Variants in SPATA31D3 observed in about 807,000 individuals in gnomAD.
SPATA31D3 encodes SPATA31 subfamily D member 3, also known as spermatogenesis-associated protein 31D3.
For synonymous variants in SPATA31D3, 27 were observed against 107.8 expected (o/e 0.25, Z 4.65); for missense variants, 91 against 297.9 (o/e 0.31, Z 5.11).
rs1198300333 is a variant in SPATA31D3 at position 81,945,983 on chromosome 9, C to T, written c.730C>T (p.Leu244Phe). 1.8e-3 allele frequency: 1 copy of T among 558 alleles called. No individual in the cohort carries two copies. Among genetic ancestry groups the T allele is most frequent in the Admixed American group, 8.3e-3 (1 of 120 alleles). The allele number at this position is 558 out of a possible 1,614,324, so 0.0% of individuals were successfully genotyped here. ...HSPPQQLPFP[L>F]LPPHHIERVE... The stretch of plus-strand genomic sequence containing the variant: ...CCCACCCCAACAGCTTCCCTTTCCC[C>T]TTCTCCCACCACATCACATTGAGAG... Residue 244 changes from leucine to phenylalanine, a missense_variant, in exon 4 of 4, where the codon CTT (leucine) becomes TTT (phenylalanine). By Grantham distance (22) the Leu-to-Phe change is conservative. Transcript: ENST00000445385.
Position 81,949,473 on chromosome 9 carries a change from T to C in SPATA31D3, c.*1466T>C. The C allele has an allele frequency of 4.2e-6, 2 of 478,220 alleles. No homozygotes were observed. The highest frequency in any genetic ancestry group is 4.5e-5 in the South Asian group (2 of 44,528). The allele number at this position is 478,220 out of a possible 1,614,324, so 29.6% of individuals were successfully genotyped here. A position where few individuals can be genotyped will look rare whatever the true frequency, so the allele number is the denominator to read the frequency against. ...TGTCATCATCTGTGCAGAATAGAGG[T>C]CGAGTTAAAAGTAGAGCTGTCTTTA... is the stretch of plus-strand genomic sequence containing the variant. On this transcript the variant is annotated 3_prime_UTR_variant, in exon 4 of 4. Coordinates refer to ENST00000445385, the MANE Select transcript of SPATA31D3 (RefSeq NM_207416.3).
In SPATA31D3 at chr9:81,949,951, C is replaced by G; in HGVS notation, c.*1944C>G. The G allele has an allele frequency of 1.9e-6, 1 of 527,906 alleles. No individual in the cohort carries two copies. Among genetic ancestry groups the G allele is most frequent in the Non-Finnish European group, 3.5e-6 (1 of 288,982 alleles). 32.7% of individuals were successfully genotyped at this position (527,906 alleles called of 1,614,324 possible). On this transcript the variant is annotated 3_prime_UTR_variant, in exon 4 of 4. Coordinates refer to ENST00000445385, the MANE Select transcript of SPATA31D3 (RefSeq NM_207416.3). Reference sequence around the variant, plus strand: ...CGGTCATCCTGACCAGTGCTAAAAACACTGTGTTCAGTGATGTGCCTTTAC... The same window carrying G: ...CGGTCATCCTGACCAGTGCTAAAAAGACTGTGTTCAGTGATGTGCCTTTAC...
At position 81,949,409 on chromosome 9, in the gene SPATA31D3, A is replaced by T; in HGVS notation, c.*1402A>T. 2.7e-6 allele frequency: 1 copy of T among 370,882 alleles called. No individual in the cohort carries two copies. Among genetic ancestry groups the T allele is most frequent in the Non-Finnish European group, 5.3e-6 (1 of 188,198 alleles). The allele number at this position is 370,882 out of a possible 1,614,324, so 23.0% of individuals were successfully genotyped here. Reference sequence around the variant, plus strand: ...CAGTCTAATAAACCCATCATAACATATGGAAAACAAGAAAGTTCCTAGGAA... The same window carrying T: ...CAGTCTAATAAACCCATCATAACATTTGGAAAACAAGAAAGTTCCTAGGAA... On this transcript the variant is annotated 3_prime_UTR_variant, in exon 4 of 4. Transcript: ENST00000445385.
chr9:81,949,960 C>A lies in SPATA31D3; in HGVS notation c.*1953C>A. 4.3e-6 allele frequency: 2 copies of A among 461,622 alleles called. No individual in the cohort carries two copies. Among genetic ancestry groups the A allele is most frequent in the South Asian group, 7.6e-5 (2 of 26,150 alleles). The allele number at this position is 461,622 out of a possible 1,614,324, so 28.6% of individuals were successfully genotyped here. The stretch of plus-strand genomic sequence containing the variant: ...TGACCAGTGCTAAAAACACTGTGTT[C>A]AGTGATGTGCCTTTACTAACTGGAC... On this transcript the variant is annotated 3_prime_UTR_variant, in exon 4 of 4. Coordinates refer to ENST00000445385, the MANE Select transcript of SPATA31D3 (RefSeq NM_207416.3).
rs1197687824 is a variant in SPATA31D3, at chr9:81,949,929, T to G, written c.*1922T>G. On this transcript the variant is annotated 3_prime_UTR_variant, in exon 4 of 4. Transcript: ENST00000445385. ...TGTGAAGTCAACCTGGTGCCTCCGG[T>G]CATCCTGACCAGTGCTAAAAACACT... 2 of 589,284 alleles carry G rather than the reference T, an allele frequency of 3.4e-6. No homozygotes were observed. The highest frequency in any genetic ancestry group is 6.2e-6 in the Non-Finnish European group (2 of 324,544). 36.5% of individuals were successfully genotyped at this position (589,284 alleles called of 1,614,324 possible).
At position 81,949,477 on chromosome 9, in the gene SPATA31D3, G is replaced by A; in HGVS notation, c.*1470G>A. The A allele has an allele frequency of 4.1e-6, 2 of 490,592 alleles. No homozygotes were observed. Among genetic ancestry groups the A allele is most frequent in the South Asian group, 2.2e-5 (1 of 45,882 alleles). 30.4% of individuals were successfully genotyped at this position (490,592 alleles called of 1,614,324 possible). The stretch of plus-strand genomic sequence containing the variant: ...ATCATCTGTGCAGAATAGAGGTCGA[G>A]TTAAAAGTAGAGCTGTCTTTACTGG... On this transcript the variant is annotated 3_prime_UTR_variant, in exon 4 of 4. Coordinates refer to ENST00000445385, the MANE Select transcript of SPATA31D3 (RefSeq NM_207416.3).
chr9:81,949,593 C>A lies in SPATA31D3; in HGVS notation c.*1586C>A, dbSNP rs541084844. 9.1e-6 allele frequency: 6 copies of A among 660,116 alleles called. No individual in the cohort carries two copies. The South Asian group carries it at 9.8e-5, about 11-fold the overall frequency. 40.9% of individuals were successfully genotyped at this position (660,116 alleles called of 1,614,324 possible). ...GACATTGAATAGATATCACCTGTCC[C>A]CAGGAGCCCCTTTCCTCCCCAGTGC... On this transcript the variant is annotated 3_prime_UTR_variant, in exon 4 of 4. Transcript: ENST00000445385.
At position 81,948,412 on chromosome 9, in the gene SPATA31D3, C is replaced by G; in HGVS notation, c.*405C>G. ...AACAAGCTCATTCTCCATCTTGGGT[C>G]ATCCTCACCTCGTCACCTCACCTGT... On this transcript the variant is annotated 3_prime_UTR_variant, in exon 4 of 4. Transcript: ENST00000445385. The G allele has an allele frequency of 5.5e-6, 1 of 180,746 alleles. No individual in the cohort carries two copies. The allele number at this position is 180,746 out of a possible 1,614,324, so 11.2% of individuals were successfully genotyped here.
chr9:81,945,714 C>G lies in SPATA31D3; in HGVS notation c.461C>G (p.Ser154Cys). 1.3e-5 allele frequency: 1 copy of G among 77,332 alleles called. No homozygotes were observed. Among genetic ancestry groups the G allele is most frequent in the Non-Finnish European group, 2.2e-5 (1 of 45,244 alleles). 4.8% of individuals were successfully genotyped at this position (77,332 alleles called of 1,614,324 possible). A position where few individuals can be genotyped will look rare whatever the true frequency, so the allele number is the denominator to read the frequency against. ...ESLKDAAPSV[S>C]PLASSASGAE... ...CTGAAAGATGCTGCTCCCTCTGTGT[C>G]CCCTTTGGCTTCTTCAGCTTCTGGG... Residue 154 changes from serine (S) to cysteine (C), a missense_variant, in exon 4 of 4, where the codon TCC (serine) becomes TGC (cysteine). Coordinates refer to ENST00000445385, the MANE Select transcript of SPATA31D3 (RefSeq NM_207416.3).
Position 81,949,803 on chromosome 9 carries a change from GC to G in SPATA31D3, c.*1800del. 2 of 1,252,606 alleles carry G rather than the reference GC, an allele frequency of 1.6e-6. No individual in the cohort carries two copies. The highest frequency in any genetic ancestry group is 1.2e-5 in the South Asian group (1 of 81,678). 77.6% of individuals were successfully genotyped at this position (1,252,606 alleles called of 1,614,324 possible). On this transcript the variant is annotated 3_prime_UTR_variant, in exon 4 of 4. Coordinates refer to ENST00000445385, the MANE Select transcript of SPATA31D3 (RefSeq NM_207416.3). ...GACAGATCATAGACAAGGACAGATAGCCCCAGGAAGTTGGACATTTAAGGGG... is the reference window on the plus strand; with the variant it reads ...GACAGATCATAGACAAGGACAGATAGCCCAGGAAGTTGGACATTTAAGGGG...
Position 81,949,914 on chromosome 9 carries a change from A to T in SPATA31D3, c.*1907A>T. ...AAACCCCACTTGCAGTGTGAAGTCA[A>T]CCTGGTGCCTCCGGTCATCCTGACC... is the stretch of plus-strand genomic sequence containing the variant. On this transcript the variant is annotated 3_prime_UTR_variant, in exon 4 of 4. Transcript: ENST00000445385. The T allele has an allele frequency of 1.6e-6, 1 of 621,140 alleles. No homozygotes were observed. The highest frequency in any genetic ancestry group is 2.7e-5 in the Admixed American group (1 of 36,880). 38.5% of individuals were successfully genotyped at this position (621,140 alleles called of 1,614,324 possible).
At chr9:81,945,393 G>A (rs1447587059) in intron 3 of SPATA31D3, among the ~76,000 whole-genome samples, 154 bp from the exon 4 acceptor site, 1 of 55,564 alleles carries the variant, frequency 1.8e-5, no homozygotes, top group Non-Finnish European at 3.3e-5. Flanking sequence ...GAACGGATAT[G>A]TGAATGAATG....
chr9:81,949,722 C>T lies in SPATA31D3; in HGVS notation c.*1715C>T. On this transcript the variant is annotated 3_prime_UTR_variant, in exon 4 of 4. Coordinates refer to ENST00000445385, the MANE Select transcript of SPATA31D3 (RefSeq NM_207416.3). Reference sequence around the variant, plus strand: ...CTCCCTCCTGCAAAGTGACATGTACCAAATCTTGCAGCCAACAAGCTATCT... The same window carrying T: ...CTCCCTCCTGCAAAGTGACATGTACTAAATCTTGCAGCCAACAAGCTATCT... The T allele has an allele frequency of 7.1e-7, 1 of 1,407,090 alleles. No homozygotes were observed. The highest frequency in any genetic ancestry group is 1.2e-5 in the South Asian group (1 of 86,628). 87.2% of individuals were successfully genotyped at this position (1,407,090 alleles called of 1,614,324 possible). A position where few individuals can be genotyped will look rare whatever the true frequency, so the allele number is the denominator to read the frequency against.
At chr9:81,945,427 G>T (rs1823882260) in intron 3 of SPATA31D3, 120 bp from the exon 4 acceptor site, 1 of 103,832 alleles carries the variant, frequency 9.6e-6, no homozygotes, top group Non-Finnish European at 1.7e-5. Context: ...CTATAGTGAG[G>T]TCATATGACC....
rs1823996189 is a variant in SPATA31D3, at chr9:81,949,766, C to G, written c.*1759C>G. On this transcript the variant is annotated 3_prime_UTR_variant, in exon 4 of 4. Transcript: ENST00000445385. Reference sequence around the variant, plus strand: ...GCTATCTTTGTCGGCCAGAATTATCCTGCAATGATTAGACAGATCATAGAC... The same window carrying G: ...GCTATCTTTGTCGGCCAGAATTATCGTGCAATGATTAGACAGATCATAGAC... 5.9e-6 allele frequency: 8 copies of G among 1,360,592 alleles called. No homozygotes were observed. The highest frequency in any genetic ancestry group is 2.3e-5 in the East Asian group (1 of 43,280). The allele number at this position is 1,360,592 out of a possible 1,614,324, so 84.3% of individuals were successfully genotyped here.
rs1824012890 is a variant in SPATA31D3, at chr9:81,950,090, A to G, written c.*2083A>G. 3 of 232,362 alleles carry G rather than the reference A, an allele frequency of 1.3e-5. No homozygotes were observed. The highest frequency in any genetic ancestry group is 2.5e-5 in the Non-Finnish European group (3 of 119,118). The allele number at this position is 232,362 out of a possible 1,614,324, so 14.4% of individuals were successfully genotyped here. A position where few individuals can be genotyped will look rare whatever the true frequency, so the allele number is the denominator to read the frequency against. ...CTCCCCAATAAACGTTCTAATAAGAATAAGAAGGATGTCTTTTCTGTGTAT... is the reference window on the plus strand; with the variant it reads ...CTCCCCAATAAACGTTCTAATAAGAGTAAGAAGGATGTCTTTTCTGTGTAT... On this transcript the variant is annotated 3_prime_UTR_variant, in exon 4 of 4. Coordinates refer to ENST00000445385, the MANE Select transcript of SPATA31D3 (RefSeq NM_207416.3).
chr9:81,949,524 T>G lies in SPATA31D3; in HGVS notation c.*1517T>G. 1.8e-6 allele frequency: 1 copy of G among 562,482 alleles called. No homozygotes were observed. Among genetic ancestry groups the G allele is most frequent in the Non-Finnish European group, 3.3e-6 (1 of 300,156 alleles). The allele number at this position is 562,482 out of a possible 1,614,324, so 34.8% of individuals were successfully genotyped here. ...CTGGGACTATTGAAGCTCAGAAAAT[T>G]AGGAAAGACACTGGGGAGTTCATAG... On this transcript the variant is annotated 3_prime_UTR_variant, in exon 4 of 4. Transcript: ENST00000445385.
rs896252268 is a variant in SPATA31D3 at position 81,949,447 on chromosome 9, T to C, written c.*1440T>C. ...AAGTTCCTAGGAAAAGGGTAGCTCCTTGTCATCATCTGTGCAGAATAGAGG... is the reference window on the plus strand; with the variant it reads ...AAGTTCCTAGGAAAAGGGTAGCTCCCTGTCATCATCTGTGCAGAATAGAGG... On this transcript the variant is annotated 3_prime_UTR_variant, in exon 4 of 4. Transcript: ENST00000445385. 38 of 403,850 alleles carry C rather than the reference T, an allele frequency of 9.4e-5. No individual in the cohort carries two copies. The highest frequency in any genetic ancestry group is 2.4e-4 in the African/African-American group (12 of 49,180). 25.0% of individuals were successfully genotyped at this position (403,850 alleles called of 1,614,324 possible).
chr9:81,949,702 TC>T lies in SPATA31D3; in HGVS notation c.*1697del, dbSNP rs538204426. 136 of 1,400,964 alleles carry T rather than the reference TC, an allele frequency of 9.7e-5. 1 individual carries two copies. The East Asian group carries it at 3.1e-3, about 32-fold the overall frequency. 86.8% of individuals were successfully genotyped at this position (1,400,964 alleles called of 1,614,324 possible). A position where few individuals can be genotyped will look rare whatever the true frequency, so the allele number is the denominator to read the frequency against. On this transcript the variant is annotated 3_prime_UTR_variant, in exon 4 of 4. Coordinates refer to ENST00000445385, the MANE Select transcript of SPATA31D3 (RefSeq NM_207416.3). ...CTATCCCTGCAACTACATGGCTCCC[TC>T]CTGCAAAGTGACATGTACCAAATCT...
Sources: allele counts gnomAD v4.1 joint callset (sites outside exome capture counted in the v4.1 genomes callset), GRCh38; gene constraint gnomAD v4.1.1; transcripts MANE v1.5; gene names NCBI Gene and HGNC (gene_info 2026-07-23, HGNC 2026-07-21).